TCF20: variants seen among roughly 807,000 people sequenced by gnomAD.
TCF20 encodes the protein transcription factor 20.
A neutral mutation model predicts 148.6 loss-of-function variants in TCF20; 3 were observed. That is an observed-to-expected ratio of 0.02 (90% CI 0.01 to 0.05). The LOEUF (loss-of-function observed/expected upper bound fraction) is 0.05, where lower values mean the gene tolerates loss of function less well. Ranked by LOEUF, TCF20 falls within the 10% of genes least tolerant of loss-of-function variation. The probability of loss-of-function intolerance (pLI) is 1.00; values close to 1 mark genes in which losing one functional copy is unlikely to be tolerated. For missense variants in TCF20, 2,350 were observed against 2,429.3 expected, an observed-to-expected ratio of 0.97 and a Z score of 0.69; for synonymous variants, 1,049 against 909.5, an observed-to-expected ratio of 1.15 and a Z score of -2.76.
chr22:42,340,622 C>G (rs760238085), intron 1 of TCF20, among the ~76,000 whole-genome samples: 5 of 152,186 alleles, frequency 3.3e-5, no homozygotes, highest in Non-Finnish European at 7.3e-5. Context: ...AAGCACTCAC[C>G]TGGCCCACCC....
chr22:42,230,855 A>T (rs1923336638), intron 1 of TCF20, among the ~76,000 whole-genome samples: 1 of 152,194 alleles, frequency 6.6e-6, no homozygotes, highest in Non-Finnish European at 1.5e-5. Flanking sequence ...GAAAAAATAA[A>T]AAATAAAAAA....
chr22:42,213,069 T>C lies in TCF20; in HGVS notation c.2237A>G (p.Asn746Ser), dbSNP rs774218645. The C allele has an allele frequency of 6.2e-7, 1 of 1,614,156 alleles. No individual in the cohort carries two copies. The highest frequency in any genetic ancestry group is 1.1e-5 in the South Asian group (1 of 91,086). Residue 746 changes from asparagine (N) to serine (S), a missense_variant, in exon 2 of 6, where the codon AAT becomes AGT. Asn to Ser is a conservative substitution (Grantham distance 46). Coordinates refer to ENST00000677622, the MANE Select transcript of TCF20 (RefSeq NM_001378418.1). ...FTGHGERKGRNEKFPSLLQEV... is the reference protein window; with the variant it reads ...FTGHGERKGRSEKFPSLLQEV... Reference sequence around the variant, plus strand: ...CTGCAGGAGGCTTGGGAATTTTTCATTTCTACCCTTTCGTTCCCCATGGCC... The same window carrying C: ...CTGCAGGAGGCTTGGGAATTTTTCACTTCTACCCTTTCGTTCCCCATGGCC...
At chr22:42,289,718 G>A (rs1228116010) in intron 1 of TCF20, among the ~76,000 whole-genome samples, 1 of 152,168 alleles carries the variant, frequency 6.6e-6, no homozygotes, top group African/African-American at 2.4e-5. Flanking sequence ...ACTTTTATCT[G>A]CTGGCAGTCC....
At chr22:42,326,318 G>A (rs1927874965) in intron 1 of TCF20, among the ~76,000 whole-genome samples, 1 of 152,090 alleles carries the variant, frequency 6.6e-6, no homozygotes, top group South Asian at 2.1e-4. Flanking sequence ...TATTAAGAGT[G>A]TTCCCCAGTA....
chr22:42,299,363 C>T lies in TCF20; in HGVS notation c.-37+44116G>A, dbSNP rs1927291428. 6.6e-6 allele frequency among the ~76,000 whole-genome samples: 1 copy of T among 152,136 alleles called. No homozygotes were observed. Among genetic ancestry groups the T allele is most frequent in the African/African-American group, 2.4e-5 (1 of 41,416 alleles). ...CCTGCTCTGGCACTCTCTCCATCTG[C>T]CTCTCACACAGTCCTTACCTTGCTC... On this transcript the variant is annotated intron_variant, in intron 1 of 1. Transcript: ENST00000515426. This position sits in a 1 kb window ranked among gnomAD's most constrained non-coding sequence, Gnocchi z 4.1.
At chr22:42,262,225 A>C (rs141828124) in intron 1 of TCF20, among the ~76,000 whole-genome samples, 1,852 of 152,294 alleles carry the variant, frequency 0.012, 39 homozygotes, top group African/African-American at 0.043. Flanking sequence ...GGTGAAGTGG[A>C]ATAGAGGCAG....
chr22:42,336,723 C>A (rs552921121), intron 1 of TCF20, among the ~76,000 whole-genome samples: 1 of 152,312 alleles, frequency 6.6e-6, no homozygotes. Flanking sequence ...TGCCCCACAC[C>A]CAGACAAACT....
At chr22:42,177,440 A>G (rs1024387212) in intron 3 of TCF20, among the ~76,000 whole-genome samples, 1 of 152,124 alleles carries the variant, frequency 6.6e-6, no homozygotes, top group African/African-American at 2.4e-5. Context: ...AAAACTTAAT[A>G]AACTTGAAAT....
At chr22:42,255,530 A>C (rs56400210) in intron 1 of TCF20, among the ~76,000 whole-genome samples, 14,036 of 134,816 alleles carry the variant, frequency 0.1, 850 homozygotes, top group Non-Finnish European at 0.15. Context: ...ACAACAACAA[A>C]ACCACATTAT....
intron 1 of TCF20, among the ~76,000 whole-genome samples, chr22:42,248,335 T>A (rs1925090643): frequency 6.6e-6 from 1 of 152,242 alleles, no homozygotes; most frequent in Non-Finnish European, 1.5e-5. Context: ...CCTGGCTCTA[T>A]CACTTGGTGG....
At chr22:42,187,127 T>C (rs1366149040) in intron 2 of TCF20, among the ~76,000 whole-genome samples, 2 of 152,204 alleles carry the variant, frequency 1.3e-5, no homozygotes, top group Admixed American at 1.3e-4. Flanking sequence ...AATAATCTGC[T>C]GTGGCTGATT....
intron 5 of TCF20, among the ~76,000 whole-genome samples, chr22:42,162,130 G>A (rs1488577510): frequency 6.6e-6 from 1 of 151,560 alleles, no homozygotes; most frequent in African/African-American, 2.4e-5. Context: ...ACAGGTGCAC[G>A]CCACCACACC....
chr22:42,247,338 G>A (rs548349238), intron 1 of TCF20, among the ~76,000 whole-genome samples: 21 of 151,518 alleles, frequency 1.4e-4, no homozygotes, highest in African/African-American at 5.1e-4. Context: ...TACTCAGGAG[G>A]CTGAGGCAGG....
At chr22:42,247,823 T>C (rs552025219) in intron 1 of TCF20, among the ~76,000 whole-genome samples, 12 of 152,270 alleles carry the variant, frequency 7.9e-5, no homozygotes, top group African/African-American at 2.6e-4. Context: ...AGCCTTGACC[T>C]GTCTCCTACT....
At chr22:42,324,160 GTGA>G (rs1276744234) in intron 1 of TCF20, among the ~76,000 whole-genome samples, 3 of 137,098 alleles carry the variant, frequency 2.2e-5, no homozygotes, top group South Asian at 2.5e-4. Flanking sequence ...AGAGGTTATG[GTGA>G]TGGTGGTGGT....
chr22:42,275,284 C>T (rs1189507776), upstream of TCF20: 1 of 152,310 alleles, frequency 6.6e-6, no homozygotes, highest in Non-Finnish European at 1.5e-5. Flanking sequence ...GCCTCAGACT[C>T]TCGGACCCCA....
rs777799995 is a variant in TCF20 at position 42,214,667 on chromosome 22, C to T, written c.639G>A (p.Arg213=). 1 of 1,614,156 alleles carries T rather than the reference C, an allele frequency of 6.2e-7. No homozygotes were observed. The highest frequency in any genetic ancestry group is 8.5e-7 in the Non-Finnish European group (1 of 1,180,022). The change falls in exon 2 of 6, where the codon CGG becomes CGA. Residue 213 remains arginine (R), a synonymous_variant. Transcript: ENST00000677622. ...SSSSHLQPMQ[R]PSTLPSSAAG... is the part of the protein sequence containing the mutation. Reference sequence around the variant, plus strand: ...CAGCAGAGGATGGCAGAGTTGAGGGCCGCTGCATTGGCTGTAGATGGGATG... The same window carrying T: ...CAGCAGAGGATGGCAGAGTTGAGGGTCGCTGCATTGGCTGTAGATGGGATG...
intron 1 of TCF20, among the ~76,000 whole-genome samples, chr22:42,253,721 T>TA (rs1449331229): frequency 2.6e-5 from 4 of 152,064 alleles, no homozygotes; most frequent in African/African-American, 9.7e-5. Context: ...ATAAGTTTAG[T>TA]AAAAACAAGT....
intron 1 of TCF20, among the ~76,000 whole-genome samples, chr22:42,333,235 G>T (rs559149067): frequency 2.0e-4 from 31 of 152,230 alleles, no homozygotes; most frequent in African/African-American, 7.2e-4. Context: ...GGCTTTAGGG[G>T]ATGGTGCACC....
Sources: gnomAD v4.1 joint callset for allele counts (sites outside exome capture counted in the v4.1 genomes callset) on GRCh38, gnomAD v4.1.1 for gene constraint, Gnocchi (gnomAD v3.1) non-coding constraint, MANE v1.5 for transcripts, NCBI Gene and HGNC (gene_info 2026-07-23, HGNC 2026-07-21) for gene names.